Variants in ZNF385D observed in about 807,000 individuals in gnomAD.
ZNF385D encodes zinc finger protein 659.
ZNF385D carries 15 observed loss-of-function variants against 35.8 expected under a neutral mutation model. That is an observed-to-expected ratio of 0.42 (90% CI 0.28 to 0.64). The LOEUF is 0.64. Ranked by LOEUF, ZNF385D falls within the 30% of genes least tolerant of loss-of-function variation. The probability of loss-of-function intolerance (pLI) is 0.23; values close to 1 mark genes in which losing one functional copy is unlikely to be tolerated. For synonymous variants in ZNF385D, 212 were observed against 186.8 expected, an observed-to-expected ratio of 1.13 and a Z score of -1.10; for missense variants, 474 against 494.6, an observed-to-expected ratio of 0.96 and a Z score of 0.39.
intron 3 of ZNF385D, among the ~76,000 whole-genome samples, chr3:21,536,502 C>T (rs1446796247): frequency 1.3e-5 from 2 of 151,936 alleles, no homozygotes; most frequent in Non-Finnish European, 2.9e-5. Context: ...TATTTTAGAG[C>T]TTAAATAAAA....
chr3:22,133,802 C>G (rs1254534215), intron 3 of ZNF385D: 1 of 151,926 alleles, frequency 6.6e-6, no homozygotes, highest in East Asian at 1.9e-4. Flanking sequence ...GCAGAGGGGC[C>G]ATCCTACTTT....
intron 2 of ZNF385D, among the ~76,000 whole-genome samples, chr3:21,572,526 CT>C (rs1290591675): frequency 2.6e-5 from 4 of 152,100 alleles, no homozygotes; most frequent in Non-Finnish European, 5.9e-5. Context: ...AGGTCATGTC[CT>C]TTTGTCCAAT....
chr3:21,426,355 A>G (rs140913747), intron 5 of ZNF385D, among the ~76,000 whole-genome samples: 32 of 152,304 alleles, frequency 2.1e-4, no homozygotes, highest in African/African-American at 7.0e-4. Flanking sequence ...CACGATGGAT[A>G]ACTGCTTCCT....
At chr3:21,674,931 G>C (rs199646803) in intron 1 of ZNF385D, among the ~76,000 whole-genome samples, 263 of 127,494 alleles carry the variant, frequency 2.1e-3, no homozygotes, top group East Asian at 3.8e-3. Context: ...TGGATGGATG[G>C]ATGCATGGAT....
intron 3 of ZNF385D, among the ~76,000 whole-genome samples, chr3:22,168,272 A>T (rs1218589294): frequency 6.6e-6 from 1 of 152,132 alleles, no homozygotes; most frequent in East Asian, 1.9e-4. Context: ...TGAAAAATCT[A>T]TTCACTCATA....
chr3:21,839,073 A>C (rs192829722), intron 3 of ZNF385D, among the ~76,000 whole-genome samples: 115 of 152,216 alleles, frequency 7.6e-4, no homozygotes, highest in African/African-American at 2.4e-3. Flanking sequence ...ATTAGAAGAT[A>C]ATCTTTGATT....
intron 3 of ZNF385D, among the ~76,000 whole-genome samples, chr3:22,102,470 G>A (rs548819297): frequency 7.9e-5 from 12 of 151,950 alleles, no homozygotes; most frequent in African/African-American, 2.4e-4. Context: ...CCTCCTTCCC[G>A]CAGTACTGAG....
intron 3 of ZNF385D, among the ~76,000 whole-genome samples, chr3:21,521,975 C>T (rs1260580169): frequency 6.6e-6 from 1 of 152,046 alleles, no homozygotes; most frequent in East Asian, 1.9e-4. Context: ...GTATCTATGG[C>T]TTCTTGGGAT....
chr3:21,966,078 T>C (rs949081873), intron 3 of ZNF385D, among the ~76,000 whole-genome samples: 1 of 152,174 alleles, frequency 6.6e-6, no homozygotes, highest in African/African-American at 2.4e-5. Flanking sequence ...CTCTCTAGAG[T>C]AAATTTTGCA....
chr3:21,591,362 C>T (rs887570384), intron 2 of ZNF385D, among the ~76,000 whole-genome samples: 20 of 151,986 alleles, frequency 1.3e-4, no homozygotes, highest in African/African-American at 4.1e-4. Flanking sequence ...GTTTGTCCCT[C>T]TATCACTTAA....
intron 3 of ZNF385D, among the ~76,000 whole-genome samples, chr3:21,558,390 T>A (rs1356454156): frequency 1.3e-5 from 2 of 152,150 alleles, no homozygotes; most frequent in African/African-American, 4.8e-5. Flanking sequence ...ACTTATTTAT[T>A]TCTGCCTTCA....
chr3:21,598,282 T>A (rs2064181413), intron 2 of ZNF385D, among the ~76,000 whole-genome samples: 1 of 152,180 alleles, frequency 6.6e-6, no homozygotes. Flanking sequence ...AGTTCTAGAC[T>A]TAAAATAGTG....
At chr3:21,960,812 G>A (rs1702545541) in intron 3 of ZNF385D, among the ~76,000 whole-genome samples, 1 of 152,106 alleles carries the variant, frequency 6.6e-6, no homozygotes, top group African/African-American at 2.4e-5. Context: ...CATATTAAGT[G>A]AAATAAGTCA....
At chr3:22,246,308 T>G (rs1699779259) in intron 2 of ZNF385D, among the ~76,000 whole-genome samples, 2 of 152,114 alleles carry the variant, frequency 1.3e-5, no homozygotes, top group African/African-American at 4.8e-5. Flanking sequence ...GGCACGCAAA[T>G]TTTTTGGTTG....
intron 2 of ZNF385D, among the ~76,000 whole-genome samples, chr3:22,365,355 C>CA (rs2125519080): frequency 6.6e-6 from 1 of 151,914 alleles, no homozygotes; most frequent in East Asian, 1.9e-4. Context: ...AATTGAAAAA[C>CA]AAAAAAGAAT....
At chr3:21,619,325 G>A (rs889402708) in intron 2 of ZNF385D, among the ~76,000 whole-genome samples, 1 of 152,094 alleles carries the variant, frequency 6.6e-6, no homozygotes. Flanking sequence ...GGCTTGTTGT[G>A]TGTGGGTACA....
chr3:21,788,370 T>TG (rs1454215906), intron 3 of ZNF385D, among the ~76,000 whole-genome samples: 1 of 151,896 alleles, frequency 6.6e-6, no homozygotes, highest in African/African-American at 2.4e-5. Flanking sequence ...CCCAGCTACT[T>TG]GGGGGGCTGA....
chr3:21,961,184 T>C (rs936555338), intron 3 of ZNF385D, among the ~76,000 whole-genome samples: 2 of 152,032 alleles, frequency 1.3e-5, no homozygotes, highest in Non-Finnish European at 2.9e-5. Flanking sequence ...GCCGTAAGTA[T>C]GTGCAATTAG....
intron 5 of ZNF385D, among the ~76,000 whole-genome samples, chr3:21,436,061 A>G (rs1262151844): frequency 1.3e-5 from 2 of 152,184 alleles, no homozygotes; most frequent in Non-Finnish European, 2.9e-5. Context: ...AGTCCTGGCA[A>G]TGAACCCAGT....
Sources: allele counts gnomAD v4.1 joint callset (sites outside exome capture counted in the v4.1 genomes callset), GRCh38; gene constraint gnomAD v4.1.1; transcripts MANE v1.5; gene names NCBI Gene and HGNC (gene_info 2026-07-23, HGNC 2026-07-21).